The following KIAA1217 variants were observed in gnomAD, a reference collection of about 807,000 sequenced individuals.
KIAA1217 encodes the protein sickle tail protein homolog.
Under a neutral mutation model 163.9 loss-of-function variants are expected in KIAA1217, and 88 were observed. That is an observed-to-expected ratio of 0.54 (90% CI 0.45 to 0.64). KIAA1217 has a LOEUF of 0.64. KIAA1217 is among the 30% of genes least tolerant of loss of function. The pLI is 0.00. For missense variants in KIAA1217, 2,372 were observed against 2,475.0 expected (o/e 0.96, Z 0.88); for synonymous variants, 903 against 923.1 (o/e 0.98, Z 0.39).
chr10:24,153,076 A>C (rs948936831), intron 2 of KIAA1217, among the ~76,000 whole-genome samples: 5 of 152,192 alleles, frequency 3.3e-5, no homozygotes, highest in African/African-American at 1.2e-4. Flanking sequence ...CAAATTCATG[A>C]ACTACTAGCC....
At chr10:24,332,037 G>A (rs1198141028) in intron 2 of KIAA1217, among the ~76,000 whole-genome samples, 1 of 152,190 alleles carries the variant, frequency 6.6e-6, no homozygotes, top group Non-Finnish European at 1.5e-5. Flanking sequence ...CTAACCTCAG[G>A]TGATCCACAT....
chr10:23,988,261 C>G (rs532722660), intron 1 of KIAA1217, among the ~76,000 whole-genome samples: 1 of 152,184 alleles, frequency 6.6e-6, no homozygotes, highest in African/African-American at 2.4e-5. Flanking sequence ...ATTGTTGCTC[C>G]GCGAGCAGGC....
In KIAA1217 at chr10:24,349,845, T is replaced by C. The variant is rs375959449; in HGVS notation, c.355-31024T>C. On this transcript the variant is annotated intron_variant, in intron 2 of 20. Coordinates refer to ENST00000376454, the MANE Select transcript of KIAA1217 (RefSeq NM_019590.5). ...AGATTGTTGGCAAGTTCATGTATAA[T>C]CATGGTCAGCAGAAAAGAAATCTAA... Among the ~76,000 whole-genome samples the C allele has an allele frequency of 5.9e-5, 9 of 152,334 alleles. No individual in the cohort carries two copies. In the East Asian group the frequency reaches 9.7e-4, roughly 16 times the overall value.
intron 1 of KIAA1217, among the ~76,000 whole-genome samples, chr10:24,003,812 A>C (rs1348190753): frequency 1.3e-5 from 2 of 152,200 alleles, no homozygotes; most frequent in African/African-American, 4.8e-5. Context: ...ATTCAGACTC[A>C]GTGGGTTTCA....
At chr10:23,938,516 C>T (rs977688263) in intron 1 of KIAA1217, among the ~76,000 whole-genome samples, 1 of 151,640 alleles carries the variant, frequency 6.6e-6, no homozygotes, top group African/African-American at 2.4e-5. Flanking sequence ...ATAAAAATAG[C>T]AGTACAACAA....
chr10:24,211,532 GTTGTATTGTATTGTA>G lies in KIAA1217; in HGVS notation c.70+2317_70+2331del, dbSNP rs371671093. On this transcript the variant is annotated intron_variant, in intron 1 of 20. Coordinates refer to ENST00000376454, the MANE Select transcript of KIAA1217 (RefSeq NM_019590.5). ...CTACTGGGACATGCCACCATGCATGGTTGTATTGTATTGTATTGTATTGTATTGTATTGTATTGTA... is the reference window on the plus strand; with the variant it reads ...CTACTGGGACATGCCACCATGCATGGTTGTATTGTATTGTATTGTATTGTA... Among the ~76,000 whole-genome samples the G allele has an allele frequency of 1.9e-3, 151 of 79,060 alleles. 3 individuals carry two copies. The highest frequency in any genetic ancestry group is 4.2e-3 in the South Asian group (8 of 1,926). 51.9% of individuals were successfully genotyped at this position (79,060 alleles called of 152,430 possible).
At chr10:24,123,921 T>TTA (rs1412843204) in intron 2 of KIAA1217, among the ~76,000 whole-genome samples, 1 of 152,202 alleles carries the variant, frequency 6.6e-6, no homozygotes, top group Non-Finnish European at 1.5e-5. Context: ...GAGAACTGTG[T>TTA]TATATATTAG....
At chr10:23,982,205 G>C (rs1347699316) in intron 1 of KIAA1217, among the ~76,000 whole-genome samples, 2 of 152,060 alleles carry the variant, frequency 1.3e-5, no homozygotes, top group African/African-American at 2.4e-5. Flanking sequence ...TGAATCTTAT[G>C]AAGAGAACAA....
Position 24,473,795 on chromosome 10 carries a change from C to G in KIAA1217, c.1414C>G (p.Pro472Ala), listed in dbSNP as rs756871638. ...HLPTLGSKTP[P>A]ASPHRVSDLR... ...GCCTACACTGGGCTCCAAAACACCC[C>G]CTGCCTCTCCTCACAGAGTCAGTGA... Residue 472 changes from proline (P) to alanine (A), a missense_variant, in exon 6 of 21, where the codon CCT becomes GCT. Transcript: ENST00000376454. 5 of 1,614,168 alleles carry G rather than the reference C, an allele frequency of 3.1e-6. No individual in the cohort carries two copies. Among genetic ancestry groups the G allele is most frequent in the Non-Finnish European group, 3.4e-6 (4 of 1,180,044 alleles).
chr10:24,194,981 A>G (rs887194873), intron 2 of KIAA1217, among the ~76,000 whole-genome samples: 5 of 151,930 alleles, frequency 3.3e-5, no homozygotes, highest in Non-Finnish European at 7.4e-5. Context: ...TTATCCCTCC[A>G]TGCTCCTTCC....
At chr10:24,149,910 A>G (rs750400989) in intron 2 of KIAA1217, among the ~76,000 whole-genome samples, 2 of 152,320 alleles carry the variant, frequency 1.3e-5, no homozygotes, top group Non-Finnish European at 2.9e-5. Context: ...AAACAAAAGG[A>G]GCAATAAGAA....
chr10:24,510,857 T>C lies in KIAA1217; in HGVS notation c.2002-2402T>C, dbSNP rs945021906. Among the ~76,000 whole-genome samples, 4 of 152,304 alleles carry C rather than the reference T, an allele frequency of 2.6e-5. No homozygotes were observed. The East Asian group carries it at 7.7e-4, about 29-fold the overall frequency. On this transcript the variant is annotated intron_variant, in intron 9 of 20. Coordinates refer to ENST00000376454, the MANE Select transcript of KIAA1217 (RefSeq NM_019590.5). ...CTAAGCCCATGGGTCACAGCAGGTT[T>C]CAACCATTTAGAGAAGAATTTTGGA...
At chr10:24,530,829 G>C (rs2073009867) in intron 14 of KIAA1217, among the ~76,000 whole-genome samples, 1 of 152,120 alleles carries the variant, frequency 6.6e-6, no homozygotes, top group African/African-American at 2.4e-5. Flanking sequence ...CCAGGAGTTT[G>C]AGGCTGAGGT....
At chr10:23,807,071 G>C (rs1429999265) in intron 1 of KIAA1217, among the ~76,000 whole-genome samples, 1 of 152,234 alleles carries the variant, frequency 6.6e-6, no homozygotes, top group East Asian at 1.9e-4. Flanking sequence ...CCTTAGAGCA[G>C]GGAGCTAAGC....
At chr10:23,772,274 A>T (rs998318033) in intron 1 of KIAA1217, among the ~76,000 whole-genome samples, 5 of 152,202 alleles carry the variant, frequency 3.3e-5, no homozygotes, top group Non-Finnish European at 7.3e-5. Context: ...AATTATAAAA[A>T]TTTTTATGCA....
chr10:23,811,550 G>C (rs1463105904), intron 1 of KIAA1217, among the ~76,000 whole-genome samples: 1 of 151,804 alleles, frequency 6.6e-6, no homozygotes, highest in Non-Finnish European at 1.5e-5. Context: ...TTTTAAAAAT[G>C]CAATTTTAAA....
intron 1 of KIAA1217, among the ~76,000 whole-genome samples, chr10:23,788,057 G>A (rs1480092285): frequency 6.6e-6 from 1 of 152,048 alleles, no homozygotes; most frequent in Non-Finnish European, 1.5e-5. Context: ...AATTAGCCAG[G>A]CACAGTGGCA....
rs761362511 is a variant in KIAA1217 at position 24,473,872 on chromosome 10, C to A, written c.1491C>A (p.His497Gln). The A allele has an allele frequency of 4.3e-6, 7 of 1,614,182 alleles. No homozygotes were observed. The highest frequency in any genetic ancestry group is 1.6e-4 in the Middle Eastern group (1 of 6,062). ...HAHYNAHGPP[H>Q]TMQPDRASPS... ...ACTATAATGCCCACGGCCCCCCTCACACCATGCAGCCAGACCGGGCCTCTC... is the reference window on the plus strand; with the variant it reads ...ACTATAATGCCCACGGCCCCCCTCAAACCATGCAGCCAGACCGGGCCTCTC... Residue 497 changes from histidine to glutamine, a missense_variant, in exon 6 of 21, where the codon CAC (histidine) becomes CAA (glutamine). His to Gln is a conservative substitution (Grantham distance 24). Transcript: ENST00000376454.
At chr10:23,961,585 A>G (rs569579537) in intron 1 of KIAA1217, among the ~76,000 whole-genome samples, 4 of 152,318 alleles carry the variant, frequency 2.6e-5, no homozygotes, top group African/African-American at 9.6e-5. Context: ...CTTATAAACT[A>G]TCTTTAAAAT....
Sources: allele counts gnomAD v4.1 joint callset (sites outside exome capture counted in the v4.1 genomes callset), GRCh38; gene constraint gnomAD v4.1.1; transcripts MANE v1.5; gene names NCBI Gene and HGNC (gene_info 2026-07-23, HGNC 2026-07-21).